Variants in SLC13A2 observed in about 807,000 individuals in gnomAD.
SLC13A2 encodes Na(+)-coupled citrate transporter.
In SLC13A2, 40 loss-of-function variants were observed where a neutral mutation model predicts 58.5. The ratio of observed to expected loss-of-function variants is 0.68; its 90% CI spans 0.53 to 0.89. The LOEUF (loss-of-function observed/expected upper bound fraction) is 0.89, where lower values mean the gene tolerates loss of function less well. Among genes scored for constraint, SLC13A2 ranks in the 40% least tolerant of loss-of-function variants. The pLI, the probability that SLC13A2 is intolerant of heterozygous loss-of-function variation, is 0.00. For missense variants in SLC13A2, 694 were observed against 772.6 expected, an observed-to-expected ratio of 0.90 and a Z score of 1.21; for synonymous variants, 341 against 331.6, an observed-to-expected ratio of 1.03 and a Z score of -0.31.
intron 1 of SLC13A2, among the ~76,000 whole-genome samples, chr17:28,484,137 C>A (rs1403936447): frequency 6.6e-6 from 1 of 152,208 alleles, no homozygotes; most frequent in Non-Finnish European, 1.5e-5. Flanking sequence ...AGACTTGCAC[C>A]CTGCTCCCTG....
chr17:28,495,156 G>A (rs1473582683), intron 9 of SLC13A2, among the ~76,000 whole-genome samples: 6 of 152,170 alleles, frequency 3.9e-5, no homozygotes, highest in African/African-American at 7.2e-5. Context: ...CATTCCAGAC[G>A]TGGGAAGGCA....
chr17:28,487,958 C>T (rs2068916717), intron 1 of SLC13A2, among the ~76,000 whole-genome samples: 1 of 152,158 alleles, frequency 6.6e-6, no homozygotes, highest in East Asian at 1.9e-4. Flanking sequence ...GAAAGTTACC[C>T]AATCCCAATC....
chr17:28,496,347 G>C lies in SLC13A2; in HGVS notation c.1471-103G>C, dbSNP rs561062856. ...GGCTCATGACCAGAGAGTGTATTAG[G>C]GTACAGGGGTTGTTCCCCAGAGAAG... On this transcript the variant is annotated intron_variant, in intron 10 of 11. Coordinates refer to ENST00000314669, the MANE Select transcript of SLC13A2 (RefSeq NM_003984.4). The surrounding 1 kb of genome is among the most constrained non-coding windows in gnomAD (Gnocchi z 4.2). 37 of 1,426,922 alleles carry C rather than the reference G, an allele frequency of 2.6e-5. 1 individual carries two copies. In the South Asian group the frequency reaches 5.2e-4, roughly 20 times the overall value. 88.4% of individuals were successfully genotyped at this position (1,426,922 alleles called of 1,614,324 possible).
chr17:28,491,948 T>A (rs1474926890), intron 6 of SLC13A2, 96 bp downstream of exon 6: 2 of 1,501,116 alleles, frequency 1.3e-6, no homozygotes, highest in East Asian at 2.3e-5. Flanking sequence ...ATTATCACCA[T>A]CCCAATGAGA....
intron 6 of SLC13A2, among the ~76,000 whole-genome samples, chr17:28,492,663 T>G (rs1369676676): frequency 1.3e-5 from 2 of 152,214 alleles, no homozygotes; most frequent in Non-Finnish European, 2.9e-5. Flanking sequence ...ATAAATAGAT[T>G]TCATTCCTAC....
chr17:28,482,694 C>T (rs1376610260), intron 1 of SLC13A2, among the ~76,000 whole-genome samples: 1 of 152,226 alleles, frequency 6.6e-6, no homozygotes, highest in Non-Finnish European at 1.5e-5. Flanking sequence ...GCAGACAAGG[C>T]TCTTTCCAAG....
intron 6 of SLC13A2, among the ~76,000 whole-genome samples, chr17:28,493,273 T>A (rs148682392): frequency 6.6e-6 from 1 of 152,096 alleles, no homozygotes; most frequent in Non-Finnish European, 1.5e-5. Context: ...CAGGAAGAAG[T>A]CCCAGGGTCT....
chr17:28,485,971 C>A (rs2068873498), intron 1 of SLC13A2, among the ~76,000 whole-genome samples: 1 of 151,506 alleles, frequency 6.6e-6, no homozygotes, highest in Non-Finnish European at 1.5e-5. Context: ...CCAGTCTGGG[C>A]AACAAAGCAA....
At chr17:28,487,468 G>T in intron 1 of SLC13A2, 1 of 852,956 alleles carries the variant, frequency 1.2e-6, no homozygotes, top group Non-Finnish European at 1.4e-6. Flanking sequence ...ACTTGTAAAA[G>T]CATTTGAAGC....
In SLC13A2 at chr17:28,478,801, T is replaced by C. The variant is rs191605892; in HGVS notation, c.102+4987T>C. Among the ~76,000 whole-genome samples, 32 of 152,252 alleles carry C rather than the reference T, an allele frequency of 2.1e-4. No individual in the cohort carries two copies. In the East Asian group the frequency reaches 4.0e-3, roughly 19 times the overall value. On this transcript the variant is annotated intron_variant, in intron 1 of 11. Transcript: ENST00000314669. ...CAACCATGCATTTTGTTAGTGAACA[T>C]AGAACTCAGTACTGTGTGACAAGTA...
chr17:28,493,807 T>G lies in SLC13A2; in HGVS notation c.1097+18T>G. ...GGGGAGAGGTGAGAGTTGCAGGGGT[T>G]GGGAGGAGGACACATCTGGGGCTCA... On this transcript the variant is annotated intron_variant, in intron 7 of 11. Coordinates refer to ENST00000314669, the MANE Select transcript of SLC13A2 (RefSeq NM_003984.4). 1 of 1,613,528 alleles carries G rather than the reference T, an allele frequency of 6.2e-7. No homozygotes were observed.
chr17:28,488,403 T>C (rs114472993), intron 1 of SLC13A2, among the ~76,000 whole-genome samples: 39 of 152,224 alleles, frequency 2.6e-4, no homozygotes, highest in African/African-American at 9.1e-4. Flanking sequence ...TGCCCTCTCC[T>C]GGCTAATGAT....
rs1228118861 is a variant in SLC13A2, at chr17:28,497,210, T to A, written c.1720T>A (p.Ser574Thr). The A allele has an allele frequency of 1.2e-6, 2 of 1,614,000 alleles. No individual in the cohort carries two copies. The highest frequency in any genetic ancestry group is 4.5e-5 in the East Asian group (2 of 44,860). ...GCACTCTTTCCCCTCCTGGGCACAG[T>A]CCAACACCACAGCCCAGTGCCTGCC... ...SLHSFPSWAQ[S>T]NTTAQCLPSL... The change falls in exon 12 of 12, where the codon TCC becomes ACC. Residue 574 changes from serine to threonine, a missense_variant. Physicochemically the swap from Ser to Thr is moderately conservative, Grantham distance 58 (BLOSUM62 1). Coordinates refer to ENST00000314669, the MANE Select transcript of SLC13A2 (RefSeq NM_003984.4).
intron 1 of SLC13A2, among the ~76,000 whole-genome samples, chr17:28,485,905 G>A (rs1422987329): frequency 3.9e-5 from 6 of 152,028 alleles, no homozygotes; most frequent in Admixed American, 6.5e-5. Context: ...TGAGGCAAGA[G>A]AATTGCCTGT....
At chr17:28,480,568 C>A (rs1407561353) in intron 1 of SLC13A2, among the ~76,000 whole-genome samples, 1 of 152,112 alleles carries the variant, frequency 6.6e-6, no homozygotes, top group African/African-American at 2.4e-5. Context: ...CATTCAGCAG[C>A]GTGTACTGCC....
rs782472673 is a variant in SLC13A2, at chr17:28,491,746, G to A, written c.772G>A (p.Gly258Ser). Residue 258 changes from glycine (G) to serine (S), a missense_variant, in exon 6 of 12, where the codon GGC (glycine) becomes AGC (serine). Transcript: ENST00000314669. ...GQINSLFPQN[G>S]NVVNFASWFS... ...CTCCTTCAGGCTCTTCCCCCAAAAC[G>A]GCAACGTGGTGAACTTCGCCTCCTG... 12 of 1,614,028 alleles carry A rather than the reference G, an allele frequency of 7.4e-6. No individual in the cohort carries two copies. In the East Asian group the frequency reaches 1.6e-4, roughly 21 times the overall value.
At chr17:28,486,528 G>T (rs1555601989) in intron 1 of SLC13A2, among the ~76,000 whole-genome samples, 1 of 152,192 alleles carries the variant, frequency 6.6e-6, no homozygotes, top group Non-Finnish European at 1.5e-5. Context: ...GCCACCCGGG[G>T]TTAATGAAGG....
chr17:28,483,834 C>A (rs782157555), intron 1 of SLC13A2, among the ~76,000 whole-genome samples: 53 of 152,166 alleles, frequency 3.5e-4, no homozygotes, highest in Non-Finnish European at 6.0e-4. Context: ...AAGTAACTTG[C>A]CCAAGGACAC....
chr17:28,490,675 C>A, intron 3 of SLC13A2, 26 bp from the exon 4 acceptor site: 1 of 1,600,980 alleles, frequency 6.2e-7, no homozygotes, highest in African/African-American at 1.3e-5. Context: ...GCTGGAACAG[C>A]AGTGTGTCTG....
Sources: allele counts gnomAD v4.1 joint callset (sites outside exome capture counted in the v4.1 genomes callset), GRCh38; gene constraint gnomAD v4.1.1; non-coding constraint Gnocchi (gnomAD v3.1); transcripts MANE v1.5; gene names NCBI Gene and HGNC (gene_info 2026-07-23, HGNC 2026-07-21).